Variants in NTM observed in about 807,000 individuals in gnomAD.
NTM encodes IgLON family member 2.
In NTM, 13 loss-of-function variants were observed where a neutral mutation model predicts 42.1. The ratio of observed to expected loss-of-function variants is 0.31; its 90% CI spans 0.20 to 0.49. NTM has a LOEUF of 0.49. NTM is among the 20% of genes least tolerant of loss of function. The probability of loss-of-function intolerance (pLI) is 0.99; values close to 1 mark genes in which losing one functional copy is unlikely to be tolerated. For synonymous variants in NTM, 187 were observed against 179.2 expected (o/e 1.04, Z -0.35); for missense variants, 373 against 452.8 (o/e 0.82, Z 1.60).
intron 1 of NTM, among the ~76,000 whole-genome samples, chr11:131,751,856 A>G (rs2082600915): frequency 6.7e-6 from 1 of 149,458 alleles, no homozygotes; most frequent in African/African-American, 2.5e-5. Context: ...ATTTGATTAT[A>G]AGCTCCATAA....
intron 1 of NTM, among the ~76,000 whole-genome samples, chr11:131,907,385 C>G (rs1303691036): frequency 6.6e-6 from 1 of 152,202 alleles, no homozygotes; most frequent in African/African-American, 2.4e-5. Flanking sequence ...CACCTGCCTG[C>G]CAACCATCCA....
At chr11:131,899,431 T>C (rs745324285) in intron 1 of NTM, among the ~76,000 whole-genome samples, 2 of 152,100 alleles carry the variant, frequency 1.3e-5, no homozygotes, top group African/African-American at 4.8e-5. Context: ...TGTAACATAA[T>C]GTAGGGGTGA....
intron 1 of NTM, among the ~76,000 whole-genome samples, chr11:131,442,059 A>G (rs947280092): frequency 6.6e-6 from 1 of 152,228 alleles, no homozygotes; most frequent in African/African-American, 2.4e-5. Flanking sequence ...TTGGAATGAT[A>G]TCTCACGCTC....
chr11:131,534,414 G>T (rs952802115), intron 1 of NTM: 2 of 152,296 alleles, frequency 1.3e-5, no homozygotes, highest in African/African-American at 2.4e-5. Flanking sequence ...ACACACTTTA[G>T]AATTAAGTTT....
intron 3 of NTM, among the ~76,000 whole-genome samples, chr11:132,154,630 C>T (rs1029790940): frequency 2.6e-5 from 4 of 152,164 alleles, no homozygotes; most frequent in African/African-American, 9.7e-5. Flanking sequence ...GGATGAATGA[C>T]AGCTGCAAGA....
intron 4 of NTM, 83 bp from the exon 5 acceptor site, chr11:132,307,606 C>G (rs2095135166): frequency 3.2e-6 from 5 of 1,570,596 alleles, no homozygotes; most frequent in Non-Finnish European, 3.5e-6. Context: ...CAGACATAAC[C>G]ATTTTATACT....
At chr11:131,791,597 C>G (rs547556852) in intron 1 of NTM, among the ~76,000 whole-genome samples, 3 of 152,320 alleles carry the variant, frequency 2.0e-5, no homozygotes, top group Admixed American at 2.0e-4. Flanking sequence ...CTGACAAAGA[C>G]AGCTATGACC....
intron 2 of NTM, among the ~76,000 whole-genome samples, chr11:132,009,755 GT>G: frequency 6.6e-6 from 1 of 152,304 alleles, no homozygotes; most frequent in East Asian, 1.9e-4. Context: ...GTCATGAGAC[GT>G]GATGGGTTAT....
At chr11:131,746,867 A>T (rs1006191617) in intron 1 of NTM, among the ~76,000 whole-genome samples, 10 of 152,194 alleles carry the variant, frequency 6.6e-5, no homozygotes, top group Non-Finnish European at 1.3e-4. Flanking sequence ...ACCGAAAAGA[A>T]TCAGAGGACT....
chr11:131,965,005 A>T (rs1017187988), intron 2 of NTM, among the ~76,000 whole-genome samples: 1 of 152,086 alleles, frequency 6.6e-6, no homozygotes, highest in East Asian at 1.9e-4. Context: ...AGTGATGATC[A>T]AGAGGAGAGG....
intron 1 of NTM, among the ~76,000 whole-genome samples, chr11:131,577,619 A>T (rs1442058570): frequency 6.6e-6 from 1 of 152,250 alleles, no homozygotes; most frequent in African/African-American, 2.4e-5. Context: ...TCTTGGAACG[A>T]AAGTGGCTAG....
chr11:131,910,761 C>A (rs897964673), intron 1 of NTM: 13 of 892,252 alleles, frequency 1.5e-5, no homozygotes, highest in Non-Finnish European at 1.3e-5. Flanking sequence ...GCCGCCCGGC[C>A]TCTCCCTCCT....
intron 4 of NTM, among the ~76,000 whole-genome samples, chr11:132,254,297 C>T (rs952587507): frequency 1.3e-5 from 2 of 152,022 alleles, no homozygotes; most frequent in African/African-American, 4.8e-5. Flanking sequence ...ATCTCCTTCT[C>T]GCCCACTTGT....
At chr11:132,222,113 TCCCCAGCAA>T (rs1202156437) in intron 4 of NTM, among the ~76,000 whole-genome samples, 1 of 152,016 alleles carries the variant, frequency 6.6e-6, no homozygotes, top group Non-Finnish European at 1.5e-5. Flanking sequence ...CATTCCACCC[TCCCCAGCAA>T]CCTCAGGCTT....
intron 1 of NTM, among the ~76,000 whole-genome samples, chr11:131,830,153 T>G (rs1206194989): frequency 6.6e-6 from 1 of 152,236 alleles, no homozygotes; most frequent in Non-Finnish European, 1.5e-5. Context: ...ATAGTTTCTT[T>G]TGCTGTGCAG....
intron 1 of NTM, among the ~76,000 whole-genome samples, chr11:131,831,839 G>A (rs997503520): frequency 4.6e-5 from 7 of 151,428 alleles, no homozygotes; most frequent in South Asian, 4.2e-4. Flanking sequence ...GATTATCTCC[G>A]GGTTTCTGAG....
intron 1 of NTM, among the ~76,000 whole-genome samples, chr11:131,585,684 A>C (rs1010449891): frequency 2.6e-5 from 4 of 152,050 alleles, no homozygotes; most frequent in African/African-American, 7.2e-5. Context: ...TCATGCCTCT[A>C]TGTAGGGCAT....
chr11:131,729,745 A>G (rs976482564), intron 1 of NTM, among the ~76,000 whole-genome samples: 6 of 152,202 alleles, frequency 3.9e-5, no homozygotes, highest in African/African-American at 1.4e-4. Flanking sequence ...TAGCATAAAA[A>G]GCACTTTTTT....
At chr11:131,801,729 T>C (rs957900253) in intron 1 of NTM, among the ~76,000 whole-genome samples, 1 of 152,142 alleles carries the variant, frequency 6.6e-6, no homozygotes, top group African/African-American at 2.4e-5. Context: ...CCCAGCTAGA[T>C]GACCTTTTCA....
Sources: gnomAD v4.1 joint callset for allele counts (sites outside exome capture counted in the v4.1 genomes callset) on GRCh38, gnomAD v4.1.1 for gene constraint, MANE v1.5 for transcripts, NCBI Gene and HGNC (gene_info 2026-07-23, HGNC 2026-07-21) for gene names.